Variants in ATXN7L1 observed in about 807,000 individuals in gnomAD.
ATXN7L1 encodes the protein ataxin-7-like protein 1.
ATXN7L1 carries 15 observed loss-of-function variants against 70.8 expected under a neutral mutation model. That is an observed-to-expected ratio of 0.21 (90% confidence interval 0.14 to 0.33). ATXN7L1 has a LOEUF of 0.33. ATXN7L1 is among the 10% of genes least tolerant of loss of function. The probability of loss-of-function intolerance (pLI) is 1.00; values close to 1 mark genes in which losing one functional copy is unlikely to be tolerated. For missense variants in ATXN7L1, 975 were observed against 1,097.1 expected (o/e 0.89, Z 1.57); for synonymous variants, 440 against 445.1 (o/e 0.99, Z 0.14).
At chr7:105,691,236 C>G (rs1417679256) in intron 3 of ATXN7L1, among the ~76,000 whole-genome samples, 1 of 152,172 alleles carries the variant, frequency 6.6e-6, no homozygotes, top group African/African-American at 2.4e-5. Context: ...CATCCACCCT[C>G]GAGGAGCGCC....
At chr7:105,821,818 G>A (rs1810208002) in intron 2 of ATXN7L1, among the ~76,000 whole-genome samples, 1 of 152,250 alleles carries the variant, frequency 6.6e-6, no homozygotes. Flanking sequence ...AGTTAACTGT[G>A]ATTGTTGCTC....
In ATXN7L1 at chr7:105,776,001, C is replaced by T. The variant is rs143221793; in HGVS notation, c.355+12603G>A. On this transcript the variant is annotated intron_variant, in intron 3 of 11. Coordinates refer to ENST00000419735, the MANE Select transcript of ATXN7L1 (RefSeq NM_020725.2). ...TTGTTCTTCGTATGGGCTCACTGTT[C>T]CAGAGAAAGCACTGTTTGGGAGATG... Among the ~76,000 whole-genome samples the T allele has an allele frequency of 8.8e-3, 1,342 of 152,208 alleles. 11 individuals are homozygous for T. Among genetic ancestry groups the T allele is most frequent in the Non-Finnish European group, 0.014 (956 of 68,008 alleles).
intron 4 of ATXN7L1, among the ~76,000 whole-genome samples, chr7:105,658,559 C>G (rs1801060975): frequency 8.2e-6 from 1 of 122,344 alleles, no homozygotes; most frequent in Admixed American, 9.4e-5. Flanking sequence ...TGGAGTCTCA[C>G]TTGCTTTGTT....
intron 3 of ATXN7L1, among the ~76,000 whole-genome samples, chr7:105,710,582 TG>T (rs1332174312): frequency 6.6e-6 from 1 of 151,946 alleles, no homozygotes; most frequent in Admixed American, 6.6e-5. Flanking sequence ...TAATTTTTTT[TG>T]TATTTTTTTA....
intron 3 of ATXN7L1, among the ~76,000 whole-genome samples, chr7:105,719,595 C>T (rs550029979): frequency 2.0e-5 from 3 of 152,122 alleles, no homozygotes; most frequent in Non-Finnish European, 2.9e-5. Context: ...CAGGAGCCAG[C>T]GCAGAGAATG....
chr7:105,850,859 A>G (rs1177554286), intron 2 of ATXN7L1, among the ~76,000 whole-genome samples: 6 of 152,148 alleles, frequency 3.9e-5, no homozygotes. Flanking sequence ...CAAGATACAG[A>G]CAGATCTCAG....
chr7:105,827,700 G>C (rs187234136), intron 2 of ATXN7L1, among the ~76,000 whole-genome samples: 77 of 152,276 alleles, frequency 5.1e-4, no homozygotes, highest in Non-Finnish European at 7.2e-4. Context: ...AAGGATGACT[G>C]TATCTTGTTT....
intron 2 of ATXN7L1, among the ~76,000 whole-genome samples, chr7:105,846,909 A>G (rs1396181845): frequency 6.6e-6 from 1 of 152,218 alleles, no homozygotes; most frequent in African/African-American, 2.4e-5. Flanking sequence ...AGAACTGGGC[A>G]ATCCATAGAG....
rs75190876 is a variant in ATXN7L1, at chr7:105,635,147, G to A, written c.1202+3206C>T. 1.2e-3 allele frequency among the ~76,000 whole-genome samples: 188 copies of A among 152,296 alleles called. 2 individuals are homozygous for A. In the East Asian group the frequency reaches 0.031, roughly 25 times the overall value. On this transcript the variant is annotated intron_variant, in intron 7 of 11. Coordinates refer to ENST00000419735, the MANE Select transcript of ATXN7L1 (RefSeq NM_020725.2). ...GCATCTATGAGACAGAGGGGACTGTGCCCAGATTTTGTGGCACCAGCTTCC... is the reference window on the plus strand; with the variant it reads ...GCATCTATGAGACAGAGGGGACTGTACCCAGATTTTGTGGCACCAGCTTCC...
At chr7:105,619,495 C>CATGCATATATATATAT (rs1554388657) in intron 9 of ATXN7L1, among the ~76,000 whole-genome samples, 3 of 27,648 alleles carry the variant, frequency 1.1e-4, no homozygotes, top group African/African-American at 4.5e-4. Flanking sequence ...CAAACAGAAG[C>CATGCATATATATATAT]ATATATATAT....
In ATXN7L1 at chr7:105,744,531, C is replaced by T. The variant is rs28631013; in HGVS notation, c.355+44073G>A. Among the ~76,000 whole-genome samples the T allele has an allele frequency of 2.3e-3, 352 of 152,148 alleles. 2 individuals are homozygous for T. The highest frequency in any genetic ancestry group is 8.0e-3 in the African/African-American group (334 of 41,504). On this transcript the variant is annotated intron_variant, in intron 3 of 11. Coordinates refer to ENST00000419735, the MANE Select transcript of ATXN7L1 (RefSeq NM_020725.2). ...GTCCTGATCTCCCTCTGGGCTCATCCCAACTTGCCAGACTTAGATCTTACC... is the reference window on the plus strand; with the variant it reads ...GTCCTGATCTCCCTCTGGGCTCATCTCAACTTGCCAGACTTAGATCTTACC...
At chr7:105,661,800 C>T (rs1041147468) in intron 4 of ATXN7L1, among the ~76,000 whole-genome samples, 1 of 152,146 alleles carries the variant, frequency 6.6e-6, no homozygotes, top group African/African-American at 2.4e-5. Context: ...GTTAGGAGAC[C>T]GCTGCAGTCC....
intron 7 of ATXN7L1, among the ~76,000 whole-genome samples, chr7:105,630,716 CAAAA>C (rs1182163221): frequency 2.3e-4 from 17 of 74,296 alleles, no homozygotes; most frequent in African/African-American, 3.7e-4. Context: ...GACCCTGTCT[CAAAA>C]AATAAATAAA....
At chr7:105,776,264 G>A (rs1437686349) in intron 3 of ATXN7L1, among the ~76,000 whole-genome samples, 1 of 152,180 alleles carries the variant, frequency 6.6e-6, no homozygotes, top group Non-Finnish European at 1.5e-5. Flanking sequence ...TGTGGTCAGG[G>A]ATCAAAGCCA....
At chr7:105,719,927 A>C (rs545786660) in intron 3 of ATXN7L1, among the ~76,000 whole-genome samples, 1 of 152,326 alleles carries the variant, frequency 6.6e-6, no homozygotes, top group African/African-American at 2.4e-5. Context: ...GGCCTAGGAA[A>C]GGAGGCCTCT....
At chr7:105,828,640 TATC>T (rs1811189709) in intron 2 of ATXN7L1, among the ~76,000 whole-genome samples, 1 of 152,202 alleles carries the variant, frequency 6.6e-6, no homozygotes, top group African/African-American at 2.4e-5. Flanking sequence ...TTGTAAGCAA[TATC>T]ATGTTTTTTC....
chr7:105,875,627 A>ACCCCCCCCCCCCCCCTTTCCCC, intron 2 of ATXN7L1, among the ~76,000 whole-genome samples, 185 bp downstream of exon 2: 1 of 94,778 alleles, frequency 1.1e-5, no homozygotes, highest in Non-Finnish European at 2.0e-5. Flanking sequence ...ACCCCCCTTT[A>ACCCCCCCCCCCCCCCTTTCCCC]CCCCCCCCCC....
At chr7:105,756,333 A>G (rs1481071832) in intron 3 of ATXN7L1, among the ~76,000 whole-genome samples, 2 of 152,282 alleles carry the variant, frequency 1.3e-5, no homozygotes, top group Admixed American at 1.3e-4. Context: ...ATGTGGGCAA[A>G]GGGAGTGCTC....
At chr7:105,623,457 C>T (rs965362949) in intron 8 of ATXN7L1, among the ~76,000 whole-genome samples, 1 of 152,206 alleles carries the variant, frequency 6.6e-6, no homozygotes, top group African/African-American at 2.4e-5. Context: ...TGTCAATGAC[C>T]TTCTGAACTG....
Sources: allele counts gnomAD v4.1 joint callset (sites outside exome capture counted in the v4.1 genomes callset), GRCh38; gene constraint gnomAD v4.1.1; transcripts MANE v1.5; gene names NCBI Gene and HGNC (gene_info 2026-07-23, HGNC 2026-07-21).